SH3PXD2A: variants seen among roughly 807,000 people sequenced by gnomAD.
SH3PXD2A encodes the protein SH3 and PX domains 2A, also known as SH3 and PX domain-containing protein 2A.
Under a neutral mutation model 115.2 loss-of-function variants are expected in SH3PXD2A, and 32 were observed. The observed-to-expected ratio is 0.28, with a 90% CI of 0.21 to 0.37. SH3PXD2A has a LOEUF of 0.37. SH3PXD2A is among the 10% of genes least tolerant of loss of function. The probability of loss-of-function intolerance (pLI) is 1.00; values close to 1 mark genes in which losing one functional copy is unlikely to be tolerated. For synonymous variants in SH3PXD2A, 610 were observed against 629.1 expected (o/e 0.97, Z 0.45); for missense variants, 1,328 against 1,498.7 (o/e 0.89, Z 1.88).
At chr10:103,638,257 C>T (rs1375504381) in intron 8 of SH3PXD2A, among the ~76,000 whole-genome samples, 1 of 152,224 alleles carries the variant, frequency 6.6e-6, no homozygotes, top group Admixed American at 6.5e-5. Flanking sequence ...GGCCTGGATT[C>T]CAAGACCATT....
intron 8 of SH3PXD2A, among the ~76,000 whole-genome samples, chr10:103,657,915 C>T (rs1404691159): frequency 6.6e-6 from 1 of 152,236 alleles, no homozygotes; most frequent in Non-Finnish European, 1.5e-5. Context: ...CTACCCTTCC[C>T]ACCTGGGATG....
chr10:103,600,285 C>T lies in SH3PXD2A; in HGVS notation c.*1531G>A, dbSNP rs959070396. The T allele has an allele frequency of 2.0e-5, 3 of 152,618 alleles. No individual in the cohort carries two copies. Among genetic ancestry groups the T allele is most frequent in the African/African-American group, 7.2e-5 (3 of 41,448 alleles). 9.5% of individuals were successfully genotyped at this position (152,618 alleles called of 1,614,324 possible). ...AATGTCAACAATTGAAAAACACAAC[C>T]CAAAGGTGACAGAGGACCTACAGGG... On this transcript the variant is annotated 3_prime_UTR_variant, in exon 15 of 15. Transcript: ENST00000369774.
chr10:103,821,142 C>CTTTT (rs5787500), intron 1 of SH3PXD2A, among the ~76,000 whole-genome samples: 1 of 100,266 alleles, frequency 1.0e-5, no homozygotes, highest in Non-Finnish European at 2.0e-5. Flanking sequence ...GTCGTTCATT[C>CTTTT]TTTTTTTTTT....
intron 8 of SH3PXD2A, among the ~76,000 whole-genome samples, chr10:103,650,061 GTT>G (rs2037095725): frequency 2.0e-5 from 3 of 152,220 alleles, no homozygotes; most frequent in Admixed American, 1.3e-4. Flanking sequence ...GGAGAGGGGA[GTT>G]AGAAAAACAG....
At chr10:103,722,924 G>T (rs2038199655) in intron 5 of SH3PXD2A, among the ~76,000 whole-genome samples, 1 of 152,208 alleles carries the variant, frequency 6.6e-6, no homozygotes, top group African/African-American at 2.4e-5. Flanking sequence ...GGGCCTCGGA[G>T]CTGCTTTTTC....
rs771043608 is a variant in SH3PXD2A at position 103,735,744 on chromosome 10, A to G, written c.294T>C (p.Asp98=). 5.6e-6 allele frequency: 9 copies of G among 1,612,546 alleles called. No homozygotes were observed. The highest frequency in any genetic ancestry group is 7.6e-6 in the Non-Finnish European group (9 of 1,179,244). Residue 98 remains aspartate, a synonymous_variant, in exon 4 of 15, where the codon GAT becomes GAC. Transcript: ENST00000369774. ...DVAVKRLKPI[D]EYCRALVRLP... Reference sequence around the variant, plus strand: ...GATACACTCTCACCCGGCAGTATTCATCGATGGGCTTCAGTCTCTTCACAG... The same window carrying G: ...GATACACTCTCACCCGGCAGTATTCGTCGATGGGCTTCAGTCTCTTCACAG...
intron 4 of SH3PXD2A, among the ~76,000 whole-genome samples, chr10:103,735,398 T>G (rs2038368148): frequency 6.6e-6 from 1 of 152,222 alleles, no homozygotes; most frequent in Admixed American, 6.5e-5. Flanking sequence ...AAATCTCACA[T>G]AGAGAAGCAA....
At chr10:103,718,901 G>A (rs1268823057) in intron 5 of SH3PXD2A, among the ~76,000 whole-genome samples, 1 of 152,044 alleles carries the variant, frequency 6.6e-6, no homozygotes. Context: ...TAACGCCCAA[G>A]GTGATATAGT....
In SH3PXD2A at chr10:103,666,792, G is replaced by A. The variant is rs889267459; in HGVS notation, c.472+1816C>T. Among the ~76,000 whole-genome samples, 1 of 152,248 alleles carries A rather than the reference G, an allele frequency of 6.6e-6. No homozygotes were observed. Among genetic ancestry groups the A allele is most frequent in the East Asian group, 1.9e-4 (1 of 5,202 alleles). ...GATGGTCATTTTAAAGCAAGTGGAG[G>A]GAATGGGAGATCTGAGGAGCAGCAA... On this transcript the variant is annotated intron_variant, in intron 7 of 14. Coordinates refer to ENST00000369774, the MANE Select transcript of SH3PXD2A (RefSeq NM_001394015.1). The surrounding 1 kb of genome is among the most constrained non-coding windows in gnomAD (Gnocchi z 4.5).
chr10:103,685,763 A>C (rs141810157), intron 6 of SH3PXD2A, among the ~76,000 whole-genome samples: 1 of 152,320 alleles, frequency 6.6e-6, no homozygotes, highest in East Asian at 1.9e-4. Context: ...GCCCAAGATC[A>C]CACAGCAGGC....
intron 3 of SH3PXD2A, among the ~76,000 whole-genome samples, chr10:103,759,579 T>A (rs924429243): frequency 1.3e-5 from 2 of 152,216 alleles, no homozygotes; most frequent in Non-Finnish European, 2.9e-5. Flanking sequence ...CTCTTTTTGC[T>A]CCACTGCCTG....
intron 8 of SH3PXD2A, among the ~76,000 whole-genome samples, chr10:103,637,846 G>C (rs1488802029): frequency 1.3e-5 from 2 of 152,208 alleles, no homozygotes; most frequent in African/African-American, 4.8e-5. Context: ...GCCCAAGTGA[G>C]TGCTGCTGTC....
At chr10:103,825,776 T>C (rs1196467459) in intron 1 of SH3PXD2A, among the ~76,000 whole-genome samples, 1 of 151,300 alleles carries the variant, frequency 6.6e-6, no homozygotes, top group African/African-American at 2.4e-5. Context: ...TTTTTTTTTT[T>C]TTTTTGAGAC....
intron 8 of SH3PXD2A, among the ~76,000 whole-genome samples, chr10:103,646,460 C>T (rs895684786): frequency 1.3e-5 from 2 of 152,194 alleles, no homozygotes; most frequent in African/African-American, 2.4e-5. Context: ...AGTGACTGGT[C>T]AGGCAGTGGT....
At chr10:103,606,150 C>G (rs2036296925) in intron 13 of SH3PXD2A, among the ~76,000 whole-genome samples, 1 of 151,070 alleles carries the variant, frequency 6.6e-6, no homozygotes, top group South Asian at 2.1e-4. Context: ...CTTGTCTGAG[C>G]TATCAAAATT....
At chr10:103,751,611 T>C (rs1029449226) in intron 3 of SH3PXD2A, among the ~76,000 whole-genome samples, 9 of 152,212 alleles carry the variant, frequency 5.9e-5, no homozygotes, top group Non-Finnish European at 1.3e-4. Context: ...CTTCAAAATC[T>C]CCAGCTTTAA....
intron 8 of SH3PXD2A, among the ~76,000 whole-genome samples, chr10:103,635,906 A>G (rs2133974027): frequency 6.6e-6 from 1 of 152,262 alleles, no homozygotes; most frequent in East Asian, 1.9e-4. Flanking sequence ...AGGCAGCAAC[A>G]TGGGGGGTTC....
chr10:103,676,968 A>G (rs965515753), intron 6 of SH3PXD2A, among the ~76,000 whole-genome samples: 7 of 152,042 alleles, frequency 4.6e-5, no homozygotes, highest in East Asian at 1.9e-4. Flanking sequence ...TTGCGTTCAC[A>G]CAGAGAAGGA....
chr10:103,654,731 A>T (rs2037183433), intron 8 of SH3PXD2A, among the ~76,000 whole-genome samples: 1 of 152,186 alleles, frequency 6.6e-6, no homozygotes, highest in African/African-American at 2.4e-5. Context: ...ATTCCTTTAG[A>T]ATTAGCATAT....
Sources: allele counts gnomAD v4.1 joint callset (sites outside exome capture counted in the v4.1 genomes callset), GRCh38; gene constraint gnomAD v4.1.1; non-coding constraint Gnocchi (gnomAD v3.1); transcripts MANE v1.5; gene names NCBI Gene and HGNC (gene_info 2026-07-23, HGNC 2026-07-21).